ANKRD13B: variants seen among roughly 807,000 people sequenced by gnomAD.
ANKRD13B encodes ankyrin repeat domain 13B.
In ANKRD13B, 33 loss-of-function variants were observed where a neutral mutation model predicts 74.4. That is an observed-to-expected ratio of 0.44 (90% CI 0.34 to 0.59). The LOEUF (loss-of-function observed/expected upper bound fraction) is 0.59. Among genes scored for constraint, ANKRD13B ranks in the 20% least tolerant of loss-of-function variants. The probability of loss-of-function intolerance (pLI) is 0.02; values close to 1 mark genes in which losing one functional copy is unlikely to be tolerated. For missense variants in ANKRD13B, 676 were observed against 877.9 expected (o/e 0.77, Z 2.91); for synonymous variants, 341 against 362.9 (o/e 0.94, Z 0.68).
chr17:29,610,612 C>T, intron 7 of ANKRD13B, 73 bp from the exon 8 acceptor site: 1 of 1,423,420 alleles, frequency 7.0e-7, no homozygotes, highest in Non-Finnish European at 9.7e-7. Context: ...AGGGAGTGTT[C>T]CCAGTGCCCT....
At chr17:29,599,937 C>CTT (rs2034105147) in intron 1 of ANKRD13B, among the ~76,000 whole-genome samples, 2 of 120,474 alleles carry the variant, frequency 1.7e-5, no homozygotes, top group African/African-American at 6.5e-5. Flanking sequence ...AGTGCAGTGG[C>CTT]GCAATCTCGG....
At position 29,609,544 on chromosome 17, in the gene ANKRD13B, CTT is replaced by C; in HGVS notation, c.822+124_822+125del. The C allele has an allele frequency of 8.4e-7, 1 of 1,195,182 alleles. No individual in the cohort carries two copies. Among genetic ancestry groups the C allele is most frequent in the Non-Finnish European group, 1.2e-6 (1 of 848,528 alleles). 74.0% of individuals were successfully genotyped at this position (1,195,182 alleles called of 1,614,324 possible). On this transcript the variant is annotated intron_variant, in intron 7 of 14. Transcript: ENST00000394859. The surrounding 1 kb of genome is among the most constrained non-coding windows in gnomAD (Gnocchi z 4.0). ...AGAAGCAATGCAGCGTGGTCAAGCA[CTT>C]ATATTTGGGTTCAAGGCACTTCTCT...
intron 1 of ANKRD13B, among the ~76,000 whole-genome samples, chr17:29,603,082 G>GTTGT (rs1435924762): frequency 6.6e-6 from 1 of 152,162 alleles, no homozygotes; most frequent in Non-Finnish European, 1.5e-5. Flanking sequence ...AACTCCTGAT[G>GTTGT]TTGTGATCCA....
At position 29,612,299 on chromosome 17, in the gene ANKRD13B, G is replaced by C; in HGVS notation, c.1258+26G>C. 1 of 1,613,192 alleles carries C rather than the reference G, an allele frequency of 6.2e-7. No individual in the cohort carries two copies. The highest frequency in any genetic ancestry group is 8.5e-7 in the Non-Finnish European group (1 of 1,179,362). ...GTGAGACCGCACGGCCATTTCTCCT[G>C]AGCCCGTGGCGGGCCGACCGGGGTT... On this transcript the variant is annotated intron_variant, in intron 11 of 14. Transcript: ENST00000394859. This position sits in a 1 kb window ranked among gnomAD's most constrained non-coding sequence, Gnocchi z 6.1.
At chr17:29,605,425 C>G (rs927876365) in intron 1 of ANKRD13B, among the ~76,000 whole-genome samples, 2 of 151,962 alleles carry the variant, frequency 1.3e-5, no homozygotes, top group African/African-American at 4.8e-5. Context: ...AACACACACA[C>G]ACACACACAT....
At position 29,610,687 on chromosome 17, in the gene ANKRD13B, G is replaced by T; in HGVS notation, c.825G>T (p.Val275=). 1 of 1,613,934 alleles carries T rather than the reference G, an allele frequency of 6.2e-7. No individual in the cohort carries two copies. The highest frequency in any genetic ancestry group is 1.1e-5 in the South Asian group (1 of 91,052). ...GCCCTTTCTTCATCTGTCCCCAGGT[G>T]TATGGGGCATCTAACGTGGAGCTCA... ...TEMVNGYEAK[V]YGASNVELIT... Residue 275 remains valine, a splice_region_variant and synonymous_variant, in exon 8 of 15, where the codon GTG becomes GTT. Transcript: ENST00000394859.
chr17:29,611,913 C>T lies in ANKRD13B; in HGVS notation c.1007C>T (p.Thr336Ile). 6.2e-7 allele frequency: 1 copy of T among 1,613,984 alleles called. No homozygotes were observed. Among genetic ancestry groups the T allele is most frequent in the Non-Finnish European group, 8.5e-7 (1 of 1,179,910 alleles). The stretch of plus-strand genomic sequence containing the variant: ...CAGACTCTGAGCCAAGCCAACCCCA[C>T]TGCCATCACTGCAGAAGAATACTTC... ...ITQTLSQANP[T>I]AITAEEYFNP... Residue 336 changes from threonine to isoleucine, a missense_variant, in exon 10 of 15, where the codon ACT (threonine) becomes ATT (isoleucine). Thr to Ile is a moderately conservative substitution (Grantham distance 89). This residue lies in a region of ANKRD13B where 328 missense variants were observed against 518.4 expected (regional missense o/e 0.63). Transcript: ENST00000394859. The surrounding 1 kb of genome is among the most constrained non-coding windows in gnomAD (Gnocchi z 4.3).
intron 1 of ANKRD13B, among the ~76,000 whole-genome samples, chr17:29,602,834 GTTCT>G (rs2034230788): frequency 6.6e-6 from 1 of 152,084 alleles, no homozygotes; most frequent in Non-Finnish European, 1.5e-5. Flanking sequence ...AATTTTGGAC[GTTCT>G]TTCTTTCTTT....
intron 8 of ANKRD13B, 98 bp downstream of exon 8, chr17:29,610,864 A>G: frequency 8.4e-7 from 1 of 1,195,654 alleles, no homozygotes; most frequent in South Asian, 1.4e-5. Context: ...GCATCCTAGC[A>G]AGAGGCTGGA....
At chr17:29,605,058 T>C (rs78169718) in intron 1 of ANKRD13B, among the ~76,000 whole-genome samples, 5,123 of 152,324 alleles carry the variant, frequency 0.034, 127 homozygotes, top group Middle Eastern at 0.078. Context: ...AGTTTCACTA[T>C]ACACATGTGA....
At chr17:29,596,319 G>A (rs141435253) in intron 1 of ANKRD13B, among the ~76,000 whole-genome samples, 10 of 152,364 alleles carry the variant, frequency 6.6e-5, no homozygotes, top group Non-Finnish European at 1.2e-4. Flanking sequence ...CTGGTGAAGG[G>A]AAGGGGCACC....
chr17:29,598,274 A>C (rs1042264740), intron 1 of ANKRD13B, among the ~76,000 whole-genome samples: 1 of 152,176 alleles, frequency 6.6e-6, no homozygotes, highest in African/African-American at 2.4e-5. Context: ...AAGGCTATAA[A>C]AATTATATAA....
intron 1 of ANKRD13B, among the ~76,000 whole-genome samples, chr17:29,595,253 C>T (rs1425534944): frequency 1.3e-5 from 2 of 152,236 alleles, no homozygotes; most frequent in Non-Finnish European, 2.9e-5. Flanking sequence ...CAAGTGTGAA[C>T]AGGAAATTCC....
At chr17:29,600,565 C>A (rs893816209) in intron 1 of ANKRD13B, among the ~76,000 whole-genome samples, 1 of 152,170 alleles carries the variant, frequency 6.6e-6, no homozygotes, top group Non-Finnish European at 1.5e-5. Flanking sequence ...AAAGAATAAA[C>A]CCCTGGTGTC....
chr17:29,613,572 C>T lies in ANKRD13B; in HGVS notation c.1871C>T (p.Thr624Ile). 1 of 1,473,472 alleles carries T rather than the reference C, an allele frequency of 6.8e-7. No homozygotes were observed. Among genetic ancestry groups the T allele is most frequent in the South Asian group, 1.3e-5 (1 of 76,120 alleles). 91.3% of individuals were successfully genotyped at this position (1,473,472 alleles called of 1,614,324 possible). ...ELERILRLSL[T>I]EQ ...GAGCGCATCCTGAGGCTCTCACTGACCGAGCAGTAGCGCCCCCTGCCGGGA... is the reference window on the plus strand; with the variant it reads ...GAGCGCATCCTGAGGCTCTCACTGATCGAGCAGTAGCGCCCCCTGCCGGGA... The change falls in exon 15 of 15, where the codon ACC becomes ATC. Residue 624 changes from threonine (T) to isoleucine (I), a missense_variant. By Grantham distance (89) the Thr-to-Ile change is moderately conservative (BLOSUM62 -1). Around this residue, in one of 4 missense-constraint regions of ANKRD13B, gnomAD observed 108 missense variants for 90.3 expected, o/e 1.20. Coordinates refer to ENST00000394859, the MANE Select transcript of ANKRD13B (RefSeq NM_152345.5).
chr17:29,610,388 A>T (rs2034541464), intron 7 of ANKRD13B, among the ~76,000 whole-genome samples: 1 of 151,840 alleles, frequency 6.6e-6, no homozygotes, highest in African/African-American at 2.4e-5. Context: ...ACTCCATTTT[A>T]TTGTCTCCTT....
chr17:29,610,821 C>G (rs374118186), intron 8 of ANKRD13B, 55 bp downstream of exon 8: 2 of 1,543,918 alleles, frequency 1.3e-6, no homozygotes, highest in African/African-American at 1.4e-5. Flanking sequence ...GGAACCAGCT[C>G]CCACTTCAGT....
chr17:29,593,642 C>T lies in ANKRD13B; in HGVS notation c.21C>T (p.Ser7=). Residue 7 remains serine (S), a synonymous_variant, in exon 1 of 15, where the codon TCC becomes TCT. Coordinates refer to ENST00000394859, the MANE Select transcript of ANKRD13B (RefSeq NM_152345.5). MIPANA[S]ARKGPEGKYP... Reference sequence around the variant, plus strand: ...GGGCGATGATCCCCGCCAACGCCTCCGCCAGGAAGGGGCCCGAGGGCAAGT... The same window carrying T: ...GGGCGATGATCCCCGCCAACGCCTCTGCCAGGAAGGGGCCCGAGGGCAAGT... 7.1e-7 allele frequency: 1 copy of T among 1,399,226 alleles called. No individual in the cohort carries two copies. The highest frequency in any genetic ancestry group is 1.5e-5 in the South Asian group (1 of 65,160). 86.7% of individuals were successfully genotyped at this position (1,399,226 alleles called of 1,614,324 possible).
At chr17:29,613,147 T>C in intron 14 of ANKRD13B, 184 bp downstream of exon 14, 1 of 1,150,096 alleles carries the variant, frequency 8.7e-7, no homozygotes, top group Non-Finnish European at 1.2e-6. Context: ...CACCGCGGAG[T>C]TCAGACTCTC....
Sources: gnomAD v4.1 joint callset for allele counts (sites outside exome capture counted in the v4.1 genomes callset) on GRCh38, gnomAD v4.1.1 for gene constraint, gnomAD v4.1.1 regional missense constraint, Gnocchi (gnomAD v3.1) non-coding constraint, MANE v1.5 for transcripts, NCBI Gene and HGNC (gene_info 2026-07-23, HGNC 2026-07-21) for gene names.